The following GNA14 variants were observed in gnomAD, a reference collection of about 807,000 sequenced individuals.
GNA14 encodes the protein G protein subunit alpha 14, also known as guanine nucleotide-binding protein subunit alpha-14.
A neutral mutation model predicts 42.0 loss-of-function variants in GNA14; 50 were observed. That is an observed-to-expected ratio of 1.19 (90% CI 0.95 to 1.51). The LOEUF (loss-of-function observed/expected upper bound fraction) is 1.51, where lower values mean the gene tolerates loss of function less well. GNA14 is among the 40% of genes most tolerant of loss of function. The pLI, the probability that GNA14 is intolerant of heterozygous loss-of-function variation, is 0.00. For missense variants in GNA14, 473 were observed against 446.2 expected (o/e 1.06, Z -0.54); for synonymous variants, 173 against 163.1 (o/e 1.06, Z -0.46).
chr9:77,511,787 G>C (rs894720251), intron 2 of GNA14, among the ~76,000 whole-genome samples: 2 of 152,154 alleles, frequency 1.3e-5, no homozygotes, highest in Non-Finnish European at 2.9e-5. Flanking sequence ...AGCTGCTGAT[G>C]TGACTAATGT....
intron 4 of GNA14, 94 bp downstream of exon 4, chr9:77,431,227 T>C (rs1404811782): frequency 8.4e-7 from 1 of 1,186,822 alleles, no homozygotes; most frequent in Non-Finnish European, 1.2e-6. Flanking sequence ...CTAAGAGATA[T>C]AATCCCTGCT....
intron 2 of GNA14, among the ~76,000 whole-genome samples, chr9:77,477,524 C>T (rs916284078): frequency 6.6e-6 from 1 of 152,122 alleles, no homozygotes; most frequent in Non-Finnish European, 1.5e-5. Flanking sequence ...TAATTACAGG[C>T]ATTTGAAGTC....
intron 1 of GNA14, among the ~76,000 whole-genome samples, chr9:77,633,393 T>C (rs1017225723): frequency 4.6e-5 from 7 of 152,030 alleles, no homozygotes; most frequent in African/African-American, 1.7e-4. Context: ...GATTCTAAAA[T>C]ATGGTTCTGT....
At chr9:77,623,238 A>AG (rs1823960179) in intron 1 of GNA14, among the ~76,000 whole-genome samples, 1 of 126,590 alleles carries the variant, frequency 7.9e-6, no homozygotes, top group Non-Finnish European at 1.6e-5. Context: ...AAAAAAAAAA[A>AG]AAAAAAAAAA....
At chr9:77,436,181 T>C (rs1376904205) in intron 2 of GNA14, among the ~76,000 whole-genome samples, 2 of 152,196 alleles carry the variant, frequency 1.3e-5, no homozygotes, top group Admixed American at 6.5e-5. Flanking sequence ...AAACTCTTCC[T>C]GGAGACTGTA....
intron 1 of GNA14, among the ~76,000 whole-genome samples, chr9:77,630,743 TC>T (rs1824084974): frequency 6.6e-6 from 1 of 152,162 alleles, no homozygotes; most frequent in Non-Finnish European, 1.5e-5. Flanking sequence ...TCTAATAAAG[TC>T]AGTATCAACT....
At chr9:77,487,037 A>G (rs1439461126) in intron 2 of GNA14, among the ~76,000 whole-genome samples, 1 of 151,720 alleles carries the variant, frequency 6.6e-6, no homozygotes, top group Admixed American at 6.6e-5. Context: ...AAAAAAGGCA[A>G]TATATATAAA....
chr9:77,577,220 A>G (rs1823142541), intron 1 of GNA14, among the ~76,000 whole-genome samples: 1 of 152,232 alleles, frequency 6.6e-6, no homozygotes, highest in Non-Finnish European at 1.5e-5. Flanking sequence ...CAACCAAGCT[A>G]AATGAGCTTG....
chr9:77,465,425 A>G (rs940326422), intron 2 of GNA14, among the ~76,000 whole-genome samples: 4 of 152,118 alleles, frequency 2.6e-5, no homozygotes, highest in African/African-American at 9.7e-5. Context: ...CGTTGAGGCC[A>G]TTTGGACTTT....
intron 1 of GNA14, among the ~76,000 whole-genome samples, chr9:77,539,436 T>A (rs1163748785): frequency 2.0e-5 from 3 of 152,208 alleles, no homozygotes; most frequent in Non-Finnish European, 2.9e-5. Flanking sequence ...TTTTTGCACC[T>A]ATGTTCATCA....
chr9:77,424,162 T>C lies in GNA14; in HGVS notation c.885A>G (p.Lys295=), dbSNP rs2131684275. 6.2e-7 allele frequency: 1 copy of C among 1,606,690 alleles called. No homozygotes were observed. The highest frequency in any genetic ancestry group is 1.3e-5 in the African/African-American group (1 of 74,834). The change falls in exon 7 of 7, where the codon AAA becomes AAG. Residue 295 remains lysine (K), a synonymous_variant. Transcript: ENST00000341700. ...ISYFPEYTGP[K]QDVRAARDFI... is the part of the protein sequence containing the mutation. The stretch of plus-strand genomic sequence containing the variant: ...AGTCTCTGGCAGCTCTGACATCCTG[T>C]TTCGGTCCTAGTCACAAGTGCAATT...
chr9:77,463,146 C>G (rs1836145596), intron 2 of GNA14, among the ~76,000 whole-genome samples: 1 of 152,166 alleles, frequency 6.6e-6, no homozygotes, highest in Non-Finnish European at 1.5e-5. Context: ...TACTGCATCC[C>G]CATTGGATTT....
At chr9:77,482,777 C>T (rs1220186500) in intron 2 of GNA14, among the ~76,000 whole-genome samples, 1 of 152,118 alleles carries the variant, frequency 6.6e-6, no homozygotes, top group Non-Finnish European at 1.5e-5. Context: ...TTTCTCTAAA[C>T]TTCTCTTCTT....
intron 1 of GNA14, among the ~76,000 whole-genome samples, chr9:77,590,167 T>A (rs1175815189): frequency 6.6e-6 from 1 of 152,090 alleles, no homozygotes; most frequent in Non-Finnish European, 1.5e-5. Flanking sequence ...TCCACCCCCC[T>A]CGGCCTCCCA....
At chr9:77,458,907 G>GGGGT (rs1554689045) in intron 2 of GNA14, among the ~76,000 whole-genome samples, 13 of 147,386 alleles carry the variant, frequency 8.8e-5, no homozygotes, top group Non-Finnish European at 1.2e-4. Flanking sequence ...AAGCTGGAGG[G>GGGGT]GGGGGGGTTG....
chr9:77,434,406 G>A lies in GNA14; in HGVS notation c.426C>T (p.Asp142=), dbSNP rs1250044560. ...WQDPGIQECY[D]RRREYQLSDS... is the part of the protein sequence containing the mutation. ...CCGACAGCTGGTACTCCCTCCTCCT[G>A]TCGTAACACTCCTGGATGCCTGGAT... The change falls in exon 3 of 7, where the codon GAC becomes GAT. Residue 142 remains aspartate (D), a synonymous_variant. Coordinates refer to ENST00000341700, the MANE Select transcript of GNA14 (RefSeq NM_004297.4). The A allele has an allele frequency of 1.9e-6, 3 of 1,614,132 alleles. No individual in the cohort carries two copies. Among genetic ancestry groups the A allele is most frequent in the East Asian group, 2.2e-5 (1 of 44,866 alleles).
At chr9:77,641,543 C>T (rs1053676588) in intron 1 of GNA14, among the ~76,000 whole-genome samples, 1 of 150,696 alleles carries the variant, frequency 6.6e-6, no homozygotes, top group Non-Finnish European at 1.5e-5. Flanking sequence ...AAGAAAATCA[C>T]CAGTTAAATC....
rs1457526026 is a variant in GNA14 at position 77,447,129 on chromosome 9, G to A, written c.310-12607C>T. Among the ~76,000 whole-genome samples, 8 of 152,174 alleles carry A rather than the reference G, an allele frequency of 5.3e-5. No homozygotes were observed. The East Asian group carries it at 1.5e-3, about 29-fold the overall frequency. ...CAGGCACACACCACCACGCCGAGTA[G>A]AGATGGGGTTTCACCATGTTAGCCA... On this transcript the variant is annotated intron_variant, in intron 2 of 6. Coordinates refer to ENST00000341700, the MANE Select transcript of GNA14 (RefSeq NM_004297.4).
At chr9:77,619,086 G>C (rs1004117657) in intron 1 of GNA14, among the ~76,000 whole-genome samples, 2 of 152,196 alleles carry the variant, frequency 1.3e-5, no homozygotes, top group South Asian at 2.1e-4. Flanking sequence ...GACAGCCCTG[G>C]TTTGGAGAGA....
Sources: allele counts gnomAD v4.1 joint callset (sites outside exome capture counted in the v4.1 genomes callset), GRCh38; gene constraint gnomAD v4.1.1; transcripts MANE v1.5; gene names NCBI Gene and HGNC (gene_info 2026-07-23, HGNC 2026-07-21).